The following PLXNA4 variants were observed in gnomAD, a reference collection of about 807,000 sequenced individuals.
PLXNA4 encodes plexin-A4.
Under a neutral mutation model 191.8 loss-of-function variants are expected in PLXNA4, and 44 were observed. That is an observed-to-expected ratio of 0.23 (90% CI 0.18 to 0.29). The LOEUF is 0.29. Ranked by LOEUF, PLXNA4 falls within the 10% of genes least tolerant of loss-of-function variation. The probability of loss-of-function intolerance (pLI) is 1.00; values close to 1 mark genes in which losing one functional copy is unlikely to be tolerated. For missense variants in PLXNA4, 1,800 were observed against 2,488.8 expected, an observed-to-expected ratio of 0.72 and a Z score of 5.89; for synonymous variants, 1,082 against 1,009.5, an observed-to-expected ratio of 1.07 and a Z score of -1.36.
intron 10 of PLXNA4, among the ~76,000 whole-genome samples, chr7:132,210,519 G>A (rs1232283097): frequency 1.3e-5 from 2 of 152,230 alleles, no homozygotes; most frequent in African/African-American, 4.8e-5. Context: ...CAGCCTCTAT[G>A]TAGGTGTGAA....
At chr7:132,332,948 A>T (rs1265092767) in intron 3 of PLXNA4, among the ~76,000 whole-genome samples, 1 of 151,844 alleles carries the variant, frequency 6.6e-6, no homozygotes, top group Non-Finnish European at 1.5e-5. Flanking sequence ...ATGAATTCTG[A>T]TATTTTCCCT....
At chr7:132,562,912 TC>T (rs1363545989) in intron 1 of PLXNA4, among the ~76,000 whole-genome samples, 1 of 100,174 alleles carries the variant, frequency 1.0e-5, no homozygotes, top group African/African-American at 4.3e-5. Context: ...CTCCTCCTCC[TC>T]TTCCTCCTCC....
intron 1 of PLXNA4, among the ~76,000 whole-genome samples, chr7:132,534,861 C>T (rs113213701): frequency 0.032 from 4,939 of 152,258 alleles, 136 homozygotes; most frequent in Non-Finnish European, 0.041. Flanking sequence ...GCTGACACGG[C>T]GCCCCCATTC....
intron 1 of PLXNA4, among the ~76,000 whole-genome samples, chr7:132,547,743 C>G (rs1800371812): frequency 6.6e-6 from 1 of 152,080 alleles, no homozygotes; most frequent in African/African-American, 2.4e-5. Context: ...AATATACCCA[C>G]CAGGAGAATC....
intron 5 of PLXNA4, among the ~76,000 whole-genome samples, chr7:132,234,423 G>A (rs1798627017): frequency 6.6e-6 from 1 of 152,194 alleles, no homozygotes; most frequent in African/African-American, 2.4e-5. Flanking sequence ...ATATGGGTGT[G>A]TATGTCTGGA....
intron 4 of PLXNA4, among the ~76,000 whole-genome samples, chr7:132,264,894 C>T (rs1799791383): frequency 6.6e-6 from 1 of 152,084 alleles, no homozygotes; most frequent in Admixed American, 6.5e-5. Flanking sequence ...GATGGGGTTT[C>T]ACCATGTTGG....
At chr7:132,563,107 TCTC>T (rs1245003947) in intron 1 of PLXNA4, among the ~76,000 whole-genome samples, 89 of 80,202 alleles carry the variant, frequency 1.1e-3, no homozygotes, top group Middle Eastern at 0.014. Flanking sequence ...CTCCTCCTCC[TCTC>T]CCTCCTCCTC....
At chr7:132,373,245 C>A (rs1430837576) in intron 3 of PLXNA4, among the ~76,000 whole-genome samples, 2 of 152,134 alleles carry the variant, frequency 1.3e-5, no homozygotes, top group Non-Finnish European at 2.9e-5. Context: ...TTGCTAAGTT[C>A]ACCTTTAGCC....
intron 3 of PLXNA4, among the ~76,000 whole-genome samples, chr7:132,350,680 A>C (rs77032207): frequency 0.074 from 11,218 of 152,180 alleles, 714 homozygotes; most frequent in African/African-American, 0.17. Context: ...ACCCTCACAC[A>C]TTGCTGGTGG....
At chr7:132,645,616 G>A (rs1454837245) in intron 2 of PLXNA4, among the ~76,000 whole-genome samples, 1 of 152,174 alleles carries the variant, frequency 6.6e-6, no homozygotes, top group Admixed American at 6.5e-5. Context: ...TGGCTGCTAT[G>A]GCCCACTGGT....
intron 4 of PLXNA4, among the ~76,000 whole-genome samples, chr7:132,262,472 G>C (rs1799682773): frequency 6.6e-6 from 1 of 152,122 alleles, no homozygotes; most frequent in Admixed American, 6.5e-5. Context: ...CCTTTCCATG[G>C]AGGGGGTAAA....
At chr7:132,298,313 G>T (rs761439814) in intron 3 of PLXNA4, 91 bp from the exon 4 acceptor site, 1 of 1,481,254 alleles carries the variant, frequency 6.8e-7, no homozygotes, top group East Asian at 2.3e-5. Context: ...ACAGCCAAGG[G>T]AGAGGGCATG....
intron 2 of PLXNA4, among the ~76,000 whole-genome samples, chr7:132,506,471 C>T (rs1163886741): frequency 2.0e-5 from 3 of 152,186 alleles, no homozygotes; most frequent in African/African-American, 7.2e-5. Flanking sequence ...AATTGATGTT[C>T]TCAGACTAGG....
intron 25 of PLXNA4, among the ~76,000 whole-genome samples, chr7:132,154,327 A>C (rs1227374529): frequency 6.6e-6 from 1 of 152,086 alleles, no homozygotes; most frequent in Non-Finnish European, 1.5e-5. Context: ...AAGAGCTGGG[A>C]GAGCCAAGAG....
chr7:132,470,149 C>A (rs1324618584), intron 3 of PLXNA4, among the ~76,000 whole-genome samples: 2 of 152,138 alleles, frequency 1.3e-5, no homozygotes, highest in South Asian at 4.1e-4. Context: ...TATAATGAAA[C>A]CTCAAATAAA....
rs1368183721 is a variant in PLXNA4, at chr7:132,529,503, G to GT, written c.-86-20725dup. On this transcript the variant is annotated intron_variant, in intron 1 of 31. Coordinates refer to ENST00000321063, the MANE Select transcript of PLXNA4 (RefSeq NM_020911.2). ...ACTATGCATTGGATTCACTGGGAAA[G>GT]TTTTTTTAAAAACACAGATTTCAGC... Among the ~76,000 whole-genome samples, 5 of 151,948 alleles carry GT rather than the reference G, an allele frequency of 3.3e-5. No homozygotes were observed. In the South Asian group the frequency reaches 8.3e-4, roughly 25 times the overall value.
intron 2 of PLXNA4, among the ~76,000 whole-genome samples, chr7:132,506,119 G>A (rs909343609): frequency 2.0e-5 from 3 of 151,968 alleles, no homozygotes; most frequent in African/African-American, 4.8e-5. Context: ...GTTTCAGCTG[G>A]CCCAGTGCCT....
At chr7:132,407,211 C>T (rs764739622) in intron 3 of PLXNA4, among the ~76,000 whole-genome samples, 20 of 152,192 alleles carry the variant, frequency 1.3e-4, no homozygotes, top group Non-Finnish European at 2.4e-4. Flanking sequence ...TTAAGCAAGG[C>T]GGAAATGGCC....
intron 1 of PLXNA4, among the ~76,000 whole-genome samples, chr7:132,554,963 T>C (rs1452604702): frequency 1.3e-5 from 2 of 151,452 alleles, no homozygotes; most frequent in Non-Finnish European, 2.9e-5. Context: ...TACTCACTAA[T>C]GGTTAGCCAC....
Sources: gnomAD v4.1 joint callset for allele counts (sites outside exome capture counted in the v4.1 genomes callset) on GRCh38, gnomAD v4.1.1 for gene constraint, MANE v1.5 for transcripts, NCBI Gene and HGNC (gene_info 2026-07-23, HGNC 2026-07-21) for gene names.